The following ESRRB variants were observed in gnomAD, a reference collection of about 807,000 sequenced individuals.
The protein encoded by ESRRB is estrogen related receptor beta, also known as steroid hormone receptor ERR2.
A neutral mutation model predicts 46.0 loss-of-function variants in ESRRB; 16 were observed. That is an observed-to-expected ratio of 0.35 (90% CI 0.24 to 0.53). The LOEUF (loss-of-function observed/expected upper bound fraction) is 0.53. Ranked by LOEUF, ESRRB falls within the 20% of genes least tolerant of loss-of-function variation. ESRRB has a pLI of 0.93. For synonymous variants in ESRRB, 246 were observed against 259.6 expected (o/e 0.95, Z 0.50); for missense variants, 488 against 607.4 (o/e 0.80, Z 2.07).
rs868152320 is a variant in ESRRB, at chr14:76,448,588, G to T, written c.460+8838G>T. Among the ~76,000 whole-genome samples the T allele has an allele frequency of 2.0e-5, 3 of 150,930 alleles. No individual in the cohort carries two copies. The Admixed American group carries it at 2.0e-4, about 10-fold the overall frequency. Reference sequence around the variant, plus strand: ...TGGTCTCAAATGATCTGCCAGCCTCGTCCTCCCAAAGTGCTGGGATTACAG... The same window carrying T: ...TGGTCTCAAATGATCTGCCAGCCTCTTCCTCCCAAAGTGCTGGGATTACAG... On this transcript the variant is annotated intron_variant, in intron 2 of 6. Transcript: ENST00000644823.
intron 5 of ESRRB, among the ~76,000 whole-genome samples, chr14:76,483,640 A>G (rs1413770113): frequency 1.3e-5 from 2 of 152,122 alleles, no homozygotes; most frequent in African/African-American, 2.4e-5. Flanking sequence ...TCTCTGTGCA[A>G]TTTATTCCTC....
At chr14:76,450,833 C>G (rs1374124305) in intron 2 of ESRRB, among the ~76,000 whole-genome samples, 1 of 152,202 alleles carries the variant, frequency 6.6e-6, no homozygotes, top group Admixed American at 6.5e-5. Flanking sequence ...CACTAGCCAA[C>G]TGGCTGACCT....
intron 2 of ESRRB, among the ~76,000 whole-genome samples, chr14:76,451,801 T>A (rs1238954780): frequency 6.6e-6 from 1 of 150,390 alleles, no homozygotes; most frequent in African/African-American, 2.4e-5. Flanking sequence ...TTTTTTTTTT[T>A]TTTTTTTTTT....
intron 3 of ESRRB, among the ~76,000 whole-genome samples, chr14:76,475,822 C>A (rs978638474): frequency 6.6e-6 from 1 of 152,180 alleles, no homozygotes; most frequent in African/African-American, 2.4e-5. Context: ...ATGGTTACAC[C>A]ATTTTACTTT....
intron 1 of ESRRB, among the ~76,000 whole-genome samples, chr14:76,380,589 A>G (rs1281061248): frequency 2.0e-5 from 3 of 152,214 alleles, no homozygotes; most frequent in Non-Finnish European, 4.4e-5. Flanking sequence ...CCTACCGGCC[A>G]TCATCGAGTC....
intron 5 of ESRRB, among the ~76,000 whole-genome samples, chr14:76,490,948 G>A (rs1187661046): frequency 6.6e-6 from 1 of 152,120 alleles, no homozygotes; most frequent in Admixed American, 6.5e-5. Flanking sequence ...TCTTGGTCAG[G>A]CCCGTGGGTC....
chr14:76,494,397 C>T (rs1890343205), intron 6 of ESRRB, among the ~76,000 whole-genome samples: 1 of 151,430 alleles, frequency 6.6e-6, no homozygotes, highest in South Asian at 2.1e-4. Flanking sequence ...ACCTCCGCCT[C>T]CTGGGTTCAA....
Position 76,412,013 on chromosome 14 carries a change from G to A in ESRRB, c.51-27328G>A, listed in dbSNP as rs1378485039. On this transcript the variant is annotated intron_variant, in intron 1 of 6. Coordinates refer to ENST00000644823, the MANE Select transcript of ESRRB (RefSeq NM_001379180.1). ...CCATTTTATTCCCGTCTCTTTACCAGTTTTAAATCAAGATCTTGATTCTTC... is the reference window on the plus strand; with the variant it reads ...CCATTTTATTCCCGTCTCTTTACCAATTTTAAATCAAGATCTTGATTCTTC... Among the ~76,000 whole-genome samples, 5 of 152,124 alleles carry A rather than the reference G, an allele frequency of 3.3e-5. No homozygotes were observed. In the East Asian group the frequency reaches 7.7e-4, roughly 23 times the overall value.
chr14:76,457,034 C>A (rs1020422860), intron 2 of ESRRB, among the ~76,000 whole-genome samples: 2 of 152,178 alleles, frequency 1.3e-5, no homozygotes, highest in African/African-American at 2.4e-5. Flanking sequence ...AGCTTAGCAA[C>A]CCCCTTCCTG....
At chr14:76,394,119 AATT>A (rs1249868004) in intron 1 of ESRRB, among the ~76,000 whole-genome samples, 1 of 151,968 alleles carries the variant, frequency 6.6e-6, no homozygotes, top group Non-Finnish European at 1.5e-5. Flanking sequence ...TTTGGATTCT[AATT>A]TTAGTACTTC....
At chr14:76,385,581 C>G (rs1211720981) in intron 1 of ESRRB, among the ~76,000 whole-genome samples, 1 of 152,146 alleles carries the variant, frequency 6.6e-6, no homozygotes, top group Non-Finnish European at 1.5e-5. Flanking sequence ...TGTTGATTAT[C>G]CTGAGTATAA....
chr14:76,322,533 A>G (rs1883880020), intron 1 of ESRRB, among the ~76,000 whole-genome samples: 1 of 152,196 alleles, frequency 6.6e-6, no homozygotes, highest in Admixed American at 6.5e-5. Flanking sequence ...CAATGTTTTC[A>G]TTCCATTGTG....
intron 2 of ESRRB, among the ~76,000 whole-genome samples, chr14:76,451,946 A>G (rs1222835068): frequency 7.2e-6 from 1 of 139,808 alleles, no homozygotes; most frequent in Non-Finnish European, 1.6e-5. Context: ...GCAGGAAGCA[A>G]TTTTTTTTTT....
chr14:76,343,762 C>T (rs969752778), intron 1 of ESRRB, among the ~76,000 whole-genome samples: 1 of 152,240 alleles, frequency 6.6e-6, no homozygotes, highest in African/African-American at 2.4e-5. Context: ...ATCGTTTCCA[C>T]TTCATTCTGT....
At chr14:76,354,791 C>A (rs2139764837) in intron 1 of ESRRB, among the ~76,000 whole-genome samples, 1 of 150,386 alleles carries the variant, frequency 6.6e-6, no homozygotes, top group South Asian at 2.2e-4. Context: ...CTCACTGCAA[C>A]CTCCACCACC....
chr14:76,363,185 C>T (rs1884484501), intron 1 of ESRRB, among the ~76,000 whole-genome samples: 1 of 152,202 alleles, frequency 6.6e-6, no homozygotes, highest in South Asian at 2.1e-4. Flanking sequence ...CATATTTGGT[C>T]TCATTATGGC....
intron 1 of ESRRB, among the ~76,000 whole-genome samples, chr14:76,426,421 C>T (rs945194672): frequency 1.3e-5 from 2 of 152,202 alleles, no homozygotes; most frequent in Admixed American, 6.5e-5. Flanking sequence ...TGGTGTCTAG[C>T]AAGAAAATTA....
chr14:76,493,946 G>A (rs568612309), intron 6 of ESRRB, among the ~76,000 whole-genome samples: 17 of 152,316 alleles, frequency 1.1e-4, no homozygotes, highest in Non-Finnish European at 1.8e-4. Flanking sequence ...ACAAAAGTTC[G>A]GATCAGAGCC....
At chr14:76,391,799 C>T (rs887701698) in intron 1 of ESRRB, among the ~76,000 whole-genome samples, 1 of 152,132 alleles carries the variant, frequency 6.6e-6, no homozygotes, top group East Asian at 1.9e-4. Flanking sequence ...TGTTCACTGT[C>T]CAAGAGTGCC....
Sources: gnomAD v4.1 joint callset for allele counts (sites outside exome capture counted in the v4.1 genomes callset) on GRCh38, gnomAD v4.1.1 for gene constraint, MANE v1.5 for transcripts, NCBI Gene and HGNC (gene_info 2026-07-23, HGNC 2026-07-21) for gene names.